SNRNP70: variants seen among roughly 807,000 people sequenced by gnomAD.
SNRNP70 encodes U1 small nuclear ribonucleoprotein 70 kDa.
Under a neutral mutation model 50.5 loss-of-function variants are expected in SNRNP70, and 8 were observed. The observed-to-expected ratio is 0.16, with a 90% CI of 0.09 to 0.29. SNRNP70 has a LOEUF of 0.29. Ranked by LOEUF, SNRNP70 falls within the 10% of genes least tolerant of loss-of-function variation. The pLI, the probability that SNRNP70 is intolerant of heterozygous loss-of-function variation, is 1.00. For synonymous variants in SNRNP70, 320 were observed against 252.9 expected, an observed-to-expected ratio of 1.27 and a Z score of -2.52; for missense variants, 529 against 663.5, an observed-to-expected ratio of 0.80 and a Z score of 2.23.
rs139300894 is a variant in SNRNP70, at chr19:49,108,405, C to T, written c.1276C>T (p.Pro426Ser). The T allele has an allele frequency of 8.1e-6, 13 of 1,610,770 alleles. No homozygotes were observed. In the African/African-American group the frequency reaches 1.1e-4, roughly 13 times the overall value. The change falls in exon 10 of 10, where the codon CCG becomes TCG. Residue 426 changes from proline (P) to serine (S), a missense_variant. By Grantham distance (74) the Pro-to-Ser change is moderately conservative. Coordinates refer to ENST00000598441, the MANE Select transcript of SNRNP70 (RefSeq NM_003089.6). ...ESEGGDGYLA[P>S]ENGYLMEAAP... Reference sequence around the variant, plus strand: ...TGAGGGCGGCGACGGCTACCTGGCTCCGGAGAATGGGTATTTGATGGAGGC... The same window carrying T: ...TGAGGGCGGCGACGGCTACCTGGCTTCGGAGAATGGGTATTTGATGGAGGC...
chr19:49,092,489 A>G (rs1326104402), intron 4 of SNRNP70, among the ~76,000 whole-genome samples: 2 of 145,594 alleles, frequency 1.4e-5, no homozygotes, highest in Non-Finnish European at 3.0e-5. Context: ...GCTCACTGCA[A>G]CTTCCGCCTC....
At chr19:49,090,393 G>A in intron 3 of SNRNP70, 40 bp downstream of exon 3, 1 of 1,612,982 alleles carries the variant, frequency 6.2e-7, no homozygotes, top group South Asian at 1.1e-5. Flanking sequence ...TTTTACCACT[G>A]TCTCCAGATG....
chr19:49,101,669 A>C, intron 7 of SNRNP70, 198 bp downstream of exon 7: 1 of 577,114 alleles, frequency 1.7e-6, no homozygotes, highest in Non-Finnish European at 3.1e-6. Context: ...AATCCCCCAC[A>C]ACGTGTGTGT....
intron 8 of SNRNP70, among the ~76,000 whole-genome samples, chr19:49,105,922 C>T (rs2122402962): frequency 6.6e-6 from 1 of 152,304 alleles, no homozygotes; most frequent in African/African-American, 2.4e-5. Context: ...TCGGGGTGGG[C>T]ACATTTGATT....
intron 4 of SNRNP70, among the ~76,000 whole-genome samples, chr19:49,096,075 TTG>T (rs1027056178): frequency 1.1e-4 from 16 of 151,562 alleles, no homozygotes; most frequent in African/African-American, 3.9e-4. Context: ...TTTTTGTTTT[TTG>T]TTTTTTTTTT....
chr19:49,090,625 G>A (rs2122316130), intron 4 of SNRNP70, 105 bp downstream of exon 4: 1 of 1,080,882 alleles, frequency 9.3e-7, no homozygotes, highest in Non-Finnish European at 1.4e-6. Context: ...TGTGTTGTGG[G>A]GAACAGGGTT....
In SNRNP70 at chr19:49,107,607, C is replaced by A; in HGVS notation, c.578-18C>A. 1 of 1,612,156 alleles carries A rather than the reference C, an allele frequency of 6.2e-7. No homozygotes were observed. The highest frequency in any genetic ancestry group is 8.5e-7 in the Non-Finnish European group (1 of 1,178,286). On this transcript the variant is annotated intron_variant, in intron 8 of 9. Coordinates refer to ENST00000598441, the MANE Select transcript of SNRNP70 (RefSeq NM_003089.6). This position sits in a 1 kb window ranked among gnomAD's most constrained non-coding sequence, Gnocchi z 6.0. ...GTCCCTGCCCAGATTCACCCTCTGT[C>A]CGTCTGCCCTGCCCCAGGAGGAGGC...
chr19:49,094,743 G>A (rs568493418), intron 4 of SNRNP70, among the ~76,000 whole-genome samples: 2 of 152,308 alleles, frequency 1.3e-5, no homozygotes, highest in South Asian at 4.1e-4. Context: ...TCCCGTCAAG[G>A]GGACGGTGCC....
intron 6 of SNRNP70, among the ~76,000 whole-genome samples, chr19:49,101,047 A>G (rs1037727236): frequency 3.3e-5 from 5 of 152,036 alleles, no homozygotes; most frequent in Non-Finnish European, 7.4e-5. Flanking sequence ...TCATCAGTAC[A>G]TGAGCCAGCC....
intron 4 of SNRNP70, among the ~76,000 whole-genome samples, chr19:49,093,578 C>G (rs12983290): frequency 3.4e-5 from 5 of 147,408 alleles, no homozygotes; most frequent in Admixed American, 1.4e-4. Context: ...ACTCGGGAGG[C>G]TGAGGCAAGA....
chr19:49,095,497 CCT>C (rs576221646), intron 4 of SNRNP70, among the ~76,000 whole-genome samples: 2 of 151,622 alleles, frequency 1.3e-5, no homozygotes, highest in Non-Finnish European at 2.9e-5. Context: ...TCCTTATTTA[CCT>C]CTTTCATTAG....
At chr19:49,085,929 C>A (rs868570934) in intron 1 of SNRNP70, among the ~76,000 whole-genome samples, 1 of 152,172 alleles carries the variant, frequency 6.6e-6, no homozygotes, top group South Asian at 2.1e-4. Context: ...TTTGCGGGGT[C>A]CAGGTCTGTT....
chr19:49,108,467 G>T lies in SNRNP70; in HGVS notation c.*24G>T. ...GAAGAGGTCGTCCTCTCCATCTGCTGTGTTTGGACGCGTTCCTGCCCAGCC... is the reference window on the plus strand; with the variant it reads ...GAAGAGGTCGTCCTCTCCATCTGCTTTGTTTGGACGCGTTCCTGCCCAGCC... On this transcript the variant is annotated 3_prime_UTR_variant, in exon 10 of 10. Coordinates refer to ENST00000598441, the MANE Select transcript of SNRNP70 (RefSeq NM_003089.6). 1 of 1,568,524 alleles carries T rather than the reference G, an allele frequency of 6.4e-7. No homozygotes were observed. Among genetic ancestry groups the T allele is most frequent in the Non-Finnish European group, 8.6e-7 (1 of 1,158,094 alleles).
At chr19:49,093,022 C>T (rs2040466999) in intron 4 of SNRNP70, among the ~76,000 whole-genome samples, 1 of 99,970 alleles carries the variant, frequency 1.0e-5, no homozygotes, top group Non-Finnish European at 2.3e-5. Flanking sequence ...CTCAGGTGAT[C>T]TGTCTGCCTC....
Position 49,101,361 on chromosome 19 carries a change from A to G in SNRNP70, c.394-29A>G, listed in dbSNP as rs1054735703. 16 of 1,586,326 alleles carry G rather than the reference A, an allele frequency of 1.0e-5. No individual in the cohort carries two copies. The African/African-American group carries it at 1.1e-4, about 11-fold the overall frequency. ...TGGGGCGGAGCCGCCCTGTGGCAGG[A>G]CTCACCCCTGTCCCCATGTGCCCCA... is the stretch of plus-strand genomic sequence containing the variant. On this transcript the variant is annotated intron_variant, in intron 6 of 9. Coordinates refer to ENST00000598441, the MANE Select transcript of SNRNP70 (RefSeq NM_003089.6).
At chr19:49,089,027 T>G (rs1311513603) in intron 2 of SNRNP70, among the ~76,000 whole-genome samples, 1 of 152,192 alleles carries the variant, frequency 6.6e-6, no homozygotes, top group Non-Finnish European at 1.5e-5. Context: ...GCAATGTCTT[T>G]CCTAAATATG....
intron 4 of SNRNP70, among the ~76,000 whole-genome samples, chr19:49,091,392 C>T (rs1206299581): frequency 2.0e-5 from 3 of 151,516 alleles, no homozygotes; most frequent in Non-Finnish European, 4.4e-5. Context: ...AAAGATTATA[C>T]CGTCTATTTA....
At chr19:49,099,808 G>A (rs2040559550) in intron 6 of SNRNP70, among the ~76,000 whole-genome samples, 2 of 152,090 alleles carry the variant, frequency 1.3e-5, no homozygotes. Context: ...TTGGGAGGGC[G>A]AGGCAGGCAG....
Position 49,099,752 on chromosome 19 carries a change from A to AAAAG in SNRNP70, c.393+1048_393+1049insAAAG, listed in dbSNP as rs1555737881. ...GGACTCCATCTTAAAAAAAAAAAAAAGTATTGTAGGCTGGGCGTGGTAGCT... is the reference window on the plus strand; with the variant it reads ...GGACTCCATCTTAAAAAAAAAAAAAAAAAGGTATTGTAGGCTGGGCGTGGTAGCT... On this transcript the variant is annotated intron_variant, in intron 6 of 9. Coordinates refer to ENST00000598441, the MANE Select transcript of SNRNP70 (RefSeq NM_003089.6). 9.1e-4 allele frequency among the ~76,000 whole-genome samples: 136 copies of AAAAG among 148,882 alleles called. 1 individual carries two copies. The highest frequency in any genetic ancestry group is 3.8e-3 in the Admixed American group (57 of 14,970).
Sources: gnomAD v4.1 joint callset for allele counts (sites outside exome capture counted in the v4.1 genomes callset) on GRCh38, gnomAD v4.1.1 for gene constraint, Gnocchi (gnomAD v3.1) non-coding constraint, MANE v1.5 for transcripts, NCBI Gene and HGNC (gene_info 2026-07-23, HGNC 2026-07-21) for gene names.